The following ENTREP2 variants were observed in gnomAD, a reference collection of about 807,000 sequenced individuals.
The protein encoded by ENTREP2 is endosomal transmembrane epsin interactor 2.
At chr15:29,248,307 T>C in the ENTREP2 span, among the ~76,000 whole-genome samples, 2 of 152,192 alleles carry the variant, frequency 1.3e-5, no homozygotes, top group African/African-American at 4.8e-5. Context: ...AGACAATCTT[T>C]TTAAGCATGA....
the ENTREP2 span, among the ~76,000 whole-genome samples, chr15:29,229,505 T>C: frequency 3.3e-5 from 5 of 152,164 alleles, no homozygotes; most frequent in African/African-American, 1.2e-4. Context: ...ACCTTTCTCC[T>C]CAAACCACTA....
the ENTREP2 span, among the ~76,000 whole-genome samples, chr15:29,414,849 C>T: frequency 6.6e-6 from 1 of 152,092 alleles, no homozygotes; most frequent in Admixed American, 6.5e-5. Flanking sequence ...TACAAACTAC[C>T]ATCAGAGAAT....
At chr15:29,415,900 C>A in the ENTREP2 span, among the ~76,000 whole-genome samples, 93 of 152,264 alleles carry the variant, frequency 6.1e-4, no homozygotes, top group African/African-American at 1.9e-3. Flanking sequence ...TTCACAACTG[C>A]TTCAAAGAGA....
the ENTREP2 span, among the ~76,000 whole-genome samples, chr15:29,277,449 C>G: frequency 6.6e-6 from 1 of 152,118 alleles, no homozygotes; most frequent in Non-Finnish European, 1.5e-5. Context: ...CGGTCCCCAA[C>G]CTTTTTGGTA....
the ENTREP2 span, among the ~76,000 whole-genome samples, chr15:29,500,035 G>A: frequency 6.6e-6 from 1 of 152,022 alleles, no homozygotes; most frequent in African/African-American, 2.4e-5. Flanking sequence ...AAAAGGTCAA[G>A]TCATTAAGAA....
At chr15:29,207,231 G>C in the ENTREP2 span, among the ~76,000 whole-genome samples, 1,698 of 152,226 alleles carry the variant, frequency 0.011, 14 homozygotes, top group African/African-American at 0.023. Flanking sequence ...CTACACACTA[G>C]GCGTGGAAGC....
the ENTREP2 span, among the ~76,000 whole-genome samples, chr15:29,608,430 G>A: frequency 6.6e-6 from 1 of 151,662 alleles, no homozygotes; most frequent in Admixed American, 6.6e-5. Flanking sequence ...CTCTCCCAGC[G>A]CTTTCTCCTG....
the ENTREP2 span, among the ~76,000 whole-genome samples, chr15:29,273,195 TAAAC>T: frequency 6.8e-6 from 1 of 146,866 alleles, no homozygotes; most frequent in East Asian, 2.0e-4. Flanking sequence ...ATTTATAAAT[TAAAC>T]TTTTTTTTTT....
chr15:29,135,199 C>T, the ENTREP2 span, among the ~76,000 whole-genome samples: 23 of 152,016 alleles, frequency 1.5e-4, no homozygotes, highest in African/African-American at 5.1e-4. This position sits in a 1 kb window ranked among gnomAD's most constrained non-coding sequence, Gnocchi z 7.4. Flanking sequence ...CCCAGCCATG[C>T]CCCAGTCCCC....
chr15:29,497,362 T>C, the ENTREP2 span, among the ~76,000 whole-genome samples: 2 of 152,336 alleles, frequency 1.3e-5, no homozygotes, highest in African/African-American at 2.4e-5. Flanking sequence ...CTTTAAATGC[T>C]TGGTAGAATT....
At chr15:29,639,260 A>C in the ENTREP2 span, among the ~76,000 whole-genome samples, 1 of 152,082 alleles carries the variant, frequency 6.6e-6, no homozygotes, top group Admixed American at 6.5e-5. Context: ...GTCCAGAAAA[A>C]AACTGGCCGA....
chr15:29,399,744 A>T, the ENTREP2 span, among the ~76,000 whole-genome samples: 7,309 of 152,262 alleles, frequency 0.048, 627 homozygotes, highest in African/African-American at 0.17. Context: ...ACACACATTC[A>T]CATTTTGGAT....
the ENTREP2 span, among the ~76,000 whole-genome samples, chr15:29,519,451 T>C: frequency 6.6e-6 from 1 of 152,042 alleles, no homozygotes; most frequent in South Asian, 2.1e-4. Context: ...GCCCACTCAA[T>C]ATGAAGACTA....
At chr15:29,225,555 G>A in the ENTREP2 span, among the ~76,000 whole-genome samples, 2 of 152,174 alleles carry the variant, frequency 1.3e-5, no homozygotes, top group Non-Finnish European at 2.9e-5. Flanking sequence ...CTAACAGGTG[G>A]CTGGAGACCT....
chr15:29,425,098 C>T, the ENTREP2 span, among the ~76,000 whole-genome samples: 2 of 152,184 alleles, frequency 1.3e-5, no homozygotes, highest in Non-Finnish European at 2.9e-5. Context: ...GCATGATCTC[C>T]ACTCACTGCA....
chr15:29,450,960 G>C, the ENTREP2 span, among the ~76,000 whole-genome samples: 1 of 152,046 alleles, frequency 6.6e-6, no homozygotes, highest in Admixed American at 6.5e-5. Flanking sequence ...TGAGAGAAGA[G>C]GGTGGGAGGA....
the ENTREP2 span, among the ~76,000 whole-genome samples, chr15:29,582,377 A>G: frequency 6.6e-6 from 1 of 152,246 alleles, no homozygotes; most frequent in Non-Finnish European, 1.5e-5. Context: ...TTTCAGAAAT[A>G]AAGACTAAAC....
the ENTREP2 span, among the ~76,000 whole-genome samples, chr15:29,193,497 T>C: frequency 6.6e-6 from 1 of 152,214 alleles, no homozygotes; most frequent in East Asian, 1.9e-4. Context: ...GGCCTTGGAC[T>C]GAGAGTTCCA....
At chr15:29,133,102 C>T in the ENTREP2 span, among the ~76,000 whole-genome samples, 20 of 152,296 alleles carry the variant, frequency 1.3e-4, no homozygotes, top group African/African-American at 4.8e-4. Flanking sequence ...CACCCTCGGT[C>T]AGCCTCCCCT....
Sources: gnomAD v4.1 joint callset for allele counts (sites outside exome capture counted in the v4.1 genomes callset) on GRCh38, gnomAD v4.1.1 for gene constraint, Gnocchi (gnomAD v3.1) non-coding constraint, MANE v1.5 for transcripts, NCBI Gene and HGNC (gene_info 2026-07-23, HGNC 2026-07-21) for gene names.